The following PXDN variants were observed in gnomAD, a reference collection of about 807,000 sequenced individuals.
PXDN encodes peroxidasin homolog.
In PXDN, 77 loss-of-function variants were observed where a neutral mutation model predicts 140.3. That is an observed-to-expected ratio of 0.55 (90% CI 0.46 to 0.66). PXDN has a LOEUF of 0.66. Ranked by LOEUF, PXDN falls within the 30% of genes least tolerant of loss-of-function variation. The pLI is 0.00. For synonymous variants in PXDN, 911 were observed against 857.4 expected (o/e 1.06, Z -1.09); for missense variants, 1,838 against 2,039.5 (o/e 0.90, Z 1.90).
At chr2:1,636,833 C>G (rs915380957) in intron 21 of PXDN, 3 of 152,234 alleles carry the variant, frequency 2.0e-5, no homozygotes, top group African/African-American at 7.2e-5. Flanking sequence ...TGCTTTAATT[C>G]ACAGCCAGAG....
At chr2:1,646,770 C>G (rs1682858906) in intron 17 of PXDN, among the ~76,000 whole-genome samples, 1 of 152,136 alleles carries the variant, frequency 6.6e-6, no homozygotes, top group Non-Finnish European at 1.5e-5. Flanking sequence ...GGTTTTTCTT[C>G]TTTTTAAAAC....
intron 9 of PXDN, among the ~76,000 whole-genome samples, chr2:1,668,156 AACCATCTGATCTTTG>A (rs1683490395): frequency 2.0e-5 from 3 of 152,188 alleles, no homozygotes; most frequent in Admixed American, 6.5e-5. Flanking sequence ...ACCCATCTAC[AACCATCTGATCTTTG>A]ACAAACCTGA....
At chr2:1,659,142 A>T (rs545969436) in intron 14 of PXDN, among the ~76,000 whole-genome samples, 27 of 152,346 alleles carry the variant, frequency 1.8e-4, no homozygotes, top group Non-Finnish European at 3.8e-4. Context: ...CTTCTGAACC[A>T]TCTTCTTACA....
chr2:1,725,745 A>ACC lies in PXDN; in HGVS notation c.200+18509_200+18510dup, dbSNP rs1685164278. On this transcript the variant is annotated intron_variant, in intron 1 of 22. Transcript: ENST00000252804. ...CAAATTTACAAGAAAAAAACAAACA[A>ACC]CCCCATCAAAAAGTGGGCAAAGGAA... 2.6e-5 allele frequency among the ~76,000 whole-genome samples: 4 copies of ACC among 152,246 alleles called. No homozygotes were observed. In the South Asian group the frequency reaches 8.3e-4, roughly 32 times the overall value.
intron 1 of PXDN, among the ~76,000 whole-genome samples, chr2:1,713,021 G>A (rs543008750): frequency 6.6e-5 from 10 of 152,264 alleles, no homozygotes; most frequent in African/African-American, 1.2e-4. Flanking sequence ...CACTGTGTCC[G>A]GCCGTTTTGG....
intron 11 of PXDN, 32 bp from the exon 12 acceptor site, chr2:1,663,795 C>G: frequency 1.9e-6 from 3 of 1,601,744 alleles, no homozygotes; most frequent in Non-Finnish European, 2.6e-6. Context: ...ACACTGGACA[C>G]TCGGACGCAT....
chr2:1,730,234 A>T (rs545692313), intron 1 of PXDN, among the ~76,000 whole-genome samples: 15 of 152,344 alleles, frequency 9.8e-5, no homozygotes, highest in Non-Finnish European at 2.1e-4. Flanking sequence ...AAAATATTTT[A>T]AAAATATGTT....
chr2:1,677,050 C>G lies in PXDN; in HGVS notation c.731-6G>C, dbSNP rs577791418. On this transcript the variant is annotated splice_region_variant and splice_polypyrimidine_tract_variant and intron_variant, in intron 7 of 22. Transcript: ENST00000252804. ...GGAGGTGATCCGGGGCCTTTCTGTG[C>G]CCAACCAGAAAATGGAAACCTTTTT... The G allele has an allele frequency of 4.2e-5, 66 of 1,583,032 alleles. No homozygotes were observed. The highest frequency in any genetic ancestry group is 5.3e-5 in the Non-Finnish European group (61 of 1,160,962).
intron 11 of PXDN, 102 bp downstream of exon 11, chr2:1,664,856 C>T: frequency 9.8e-7 from 1 of 1,020,958 alleles, no homozygotes; most frequent in Non-Finnish European, 1.4e-6. Flanking sequence ...CCAGCTCAGC[C>T]CTGTCCAGAA....
chr2:1,660,735 A>AC lies in PXDN; in HGVS notation c.1837+145_1837+146insG, dbSNP rs1683283628. 1 of 1,096,030 alleles carries AC rather than the reference A, an allele frequency of 9.1e-7. No homozygotes were observed. Among genetic ancestry groups the AC allele is most frequent in the Non-Finnish European group, 1.3e-6 (1 of 793,330 alleles). 67.9% of individuals were successfully genotyped at this position (1,096,030 alleles called of 1,614,324 possible). A position where few individuals can be genotyped will look rare whatever the true frequency, so the allele number is the denominator to read the frequency against. On this transcript the variant is annotated intron_variant, in intron 14 of 22. Transcript: ENST00000252804. This position sits in a 1 kb window ranked among gnomAD's most constrained non-coding sequence, Gnocchi z 4.6. ...TCGAGCAGCCCGGCCATGCATCAGG[A>AC]GAGTGTCCCCACCTGGGAATCAAGG...
chr2:1,647,260 G>C (rs1682869126), intron 17 of PXDN, among the ~76,000 whole-genome samples: 1 of 152,168 alleles, frequency 6.6e-6, no homozygotes, highest in South Asian at 2.1e-4. Context: ...TGAAAAAAAA[G>C]GTAGTGAGTA....
intron 1 of PXDN, among the ~76,000 whole-genome samples, chr2:1,743,433 C>T (rs560008979): frequency 1.3e-5 from 2 of 152,170 alleles, no homozygotes; most frequent in African/African-American, 4.8e-5. Context: ...TCGCTCCGGG[C>T]GCAGGAAAAG....
At chr2:1,726,104 T>C (rs1376226490) in intron 1 of PXDN, among the ~76,000 whole-genome samples, 1 of 152,064 alleles carries the variant, frequency 6.6e-6, no homozygotes, top group African/African-American at 2.4e-5. Flanking sequence ...CTATAAATCA[T>C]GCTGCTATAA....
intron 1 of PXDN, among the ~76,000 whole-genome samples, chr2:1,731,915 G>A (rs1480635396): frequency 2.0e-5 from 3 of 152,140 alleles, no homozygotes; most frequent in African/African-American, 7.2e-5. Context: ...CCAGGATTGA[G>A]TCATTTTCAT....
rs769899315 is a variant in PXDN, at chr2:1,649,191, G to C, written c.2589C>G (p.Pro863=). 13 of 1,593,766 alleles carry C rather than the reference G, an allele frequency of 8.2e-6. No individual in the cohort carries two copies. In the South Asian group the frequency reaches 1.3e-4, roughly 16 times the overall value. Residue 863 remains proline, a synonymous_variant, in exon 17 of 23, where the codon CCC becomes CCG. Coordinates refer to ENST00000252804, the MANE Select transcript of PXDN (RefSeq NM_012293.3). This position sits in a 1 kb window ranked among gnomAD's most constrained non-coding sequence, Gnocchi z 7.1. ...NDPPCFSVMI[P]PNDSRARSGA... ...CGCTCCTGGCCCGGGAGTCATTGGG[G>C]GGGATCATGACAGAGAAGCAGGGGG...
chr2:1,655,650 TCTC>T (rs1426823641), intron 14 of PXDN, among the ~76,000 whole-genome samples: 1 of 145,568 alleles, frequency 6.9e-6, no homozygotes, highest in Non-Finnish European at 1.5e-5. Context: ...GAACCTGCCT[TCTC>T]CTGACAGGAA....
chr2:1,703,015 G>GCAACTCCAGGTGAA (rs1684475915), intron 1 of PXDN, among the ~76,000 whole-genome samples: 1 of 113,200 alleles, frequency 8.8e-6, no homozygotes, highest in Non-Finnish European at 1.8e-5. Context: ...GGTGAAGGGG[G>GCAACTCCAGGTGAA]GACAGCTCCA....
rs7569808 is a variant in PXDN at position 1,649,733 on chromosome 2, C to G, written c.2105-58G>C. 9 of 1,582,430 alleles carry G rather than the reference C, an allele frequency of 5.7e-6. No homozygotes were observed. Among genetic ancestry groups the G allele is most frequent in the African/African-American group, 4.0e-5 (3 of 74,196 alleles). ...TTCCCCTGGAGGATGTGTGAGGGCC[C>G]GGTACCCCTTGGCACCTCTGCCGCT... On this transcript the variant is annotated intron_variant, in intron 16 of 22. Transcript: ENST00000252804. This position sits in a 1 kb window ranked among gnomAD's most constrained non-coding sequence, Gnocchi z 7.1.
At chr2:1,674,527 G>A (rs1397056377) in intron 8 of PXDN, among the ~76,000 whole-genome samples, 2 of 152,300 alleles carry the variant, frequency 1.3e-5, no homozygotes, top group East Asian at 3.9e-4. Flanking sequence ...GACCTCCCCT[G>A]GGGCCATGCT....
Sources: gnomAD v4.1 joint callset for allele counts (sites outside exome capture counted in the v4.1 genomes callset) on GRCh38, gnomAD v4.1.1 for gene constraint, Gnocchi (gnomAD v3.1) non-coding constraint, MANE v1.5 for transcripts, NCBI Gene and HGNC (gene_info 2026-07-23, HGNC 2026-07-21) for gene names.